The following MEIS2 variants were observed in gnomAD, a reference collection of about 807,000 sequenced individuals.
MEIS2 encodes homeobox protein Meis2.
A neutral mutation model predicts 58.6 loss-of-function variants in MEIS2; 9 were observed. That is an observed-to-expected ratio of 0.15 (90% CI 0.09 to 0.27). MEIS2 has a LOEUF of 0.27. MEIS2 is among the 10% of genes least tolerant of loss of function. The probability of loss-of-function intolerance (pLI) is 1.00; values close to 1 mark genes in which losing one functional copy is unlikely to be tolerated. For synonymous variants in MEIS2, 221 were observed against 228.4 expected, an observed-to-expected ratio of 0.97 and a Z score of 0.29; for missense variants, 427 against 635.0, an observed-to-expected ratio of 0.67 and a Z score of 3.52.
At chr15:37,052,856 T>C (rs868808992) in intron 7 of MEIS2, among the ~76,000 whole-genome samples, 2 of 152,116 alleles carry the variant, frequency 1.3e-5, no homozygotes, top group Admixed American at 1.3e-4. Flanking sequence ...GGGTCACGTG[T>C]GCTACTACTT....
intron 8 of MEIS2, among the ~76,000 whole-genome samples, chr15:36,967,477 T>C (rs1404254599): frequency 6.6e-6 from 1 of 152,108 alleles, no homozygotes; most frequent in Non-Finnish European, 1.5e-5. Context: ...CTTTAACTGA[T>C]CTTCATGTCT....
intron 9 of MEIS2, among the ~76,000 whole-genome samples, chr15:36,924,215 G>A (rs1324405371): frequency 1.3e-5 from 2 of 152,152 alleles, no homozygotes; most frequent in Non-Finnish European, 2.9e-5. Flanking sequence ...TGGCTATCTA[G>A]TAATACTCCT....
intron 7 of MEIS2, among the ~76,000 whole-genome samples, chr15:37,049,250 G>A (rs1166618773): frequency 6.6e-6 from 1 of 152,106 alleles, no homozygotes; most frequent in Non-Finnish European, 1.5e-5. Context: ...AGCCTATACA[G>A]GAAAGAACAG....
chr15:36,985,867 G>T (rs925401744), intron 8 of MEIS2, among the ~76,000 whole-genome samples: 1 of 152,172 alleles, frequency 6.6e-6, no homozygotes, highest in Admixed American at 6.5e-5. Flanking sequence ...TGGTGACAGA[G>T]TTGTGAAGCA....
intron 5 of MEIS2, 66 bp from the exon 6 acceptor site, chr15:37,093,796 T>G (rs934027174): frequency 6.3e-7 from 1 of 1,598,200 alleles, no homozygotes; most frequent in African/African-American, 1.3e-5. Flanking sequence ...GTTTCATTTT[T>G]AGAAAGGAAA....
intron 8 of MEIS2, among the ~76,000 whole-genome samples, chr15:37,024,970 A>T (rs1325594482): frequency 6.6e-6 from 1 of 152,212 alleles, no homozygotes; most frequent in Non-Finnish European, 1.5e-5. Context: ...CTTTCTCTTA[A>T]GTTTGAGTGT....
chr15:37,001,632 T>C (rs1307422551), intron 8 of MEIS2, among the ~76,000 whole-genome samples: 6 of 152,152 alleles, frequency 3.9e-5, no homozygotes, highest in African/African-American at 9.7e-5. Flanking sequence ...TGCCCTAAGG[T>C]AGAAACTCAT....
chr15:36,896,027 A>T (rs2056157304), intron 10 of MEIS2, among the ~76,000 whole-genome samples: 1 of 152,230 alleles, frequency 6.6e-6, no homozygotes, highest in South Asian at 2.1e-4. Context: ...CTTGGAGTAT[A>T]CCAGGAGGGT....
At chr15:37,092,457 G>A (rs761740592) in intron 6 of MEIS2, among the ~76,000 whole-genome samples, 24 of 151,984 alleles carry the variant, frequency 1.6e-4, no homozygotes, top group Non-Finnish European at 2.6e-4. Context: ...TAACTCACAC[G>A]GAGTGTCAAA....
chr15:37,025,397 G>C (rs1246353659), intron 8 of MEIS2, among the ~76,000 whole-genome samples: 1 of 152,240 alleles, frequency 6.6e-6, no homozygotes, highest in South Asian at 2.1e-4. Flanking sequence ...TCTTAATTTG[G>C]TCCTAACTCC....
At chr15:37,032,530 T>G (rs1418925536) in intron 8 of MEIS2, among the ~76,000 whole-genome samples, 1 of 152,228 alleles carries the variant, frequency 6.6e-6, no homozygotes, top group Admixed American at 6.5e-5. Flanking sequence ...AGGATTTCCC[T>G]AAGTTTTTGT....
chr15:36,895,446 G>A, intron 10 of MEIS2, 185 bp from the exon 11 acceptor site: 4 of 580,018 alleles, frequency 6.9e-6, no homozygotes, highest in Admixed American at 6.5e-5. Flanking sequence ...CTTTAAAAAT[G>A]TTCTGGAAGA....
intron 9 of MEIS2, among the ~76,000 whole-genome samples, chr15:36,914,748 A>G (rs1463838152): frequency 6.6e-6 from 1 of 152,192 alleles, no homozygotes; most frequent in African/African-American, 2.4e-5. Flanking sequence ...TGACAGAGTC[A>G]TAAGAAACCT....
At chr15:37,023,738 C>T (rs772016360) in intron 8 of MEIS2, among the ~76,000 whole-genome samples, 32 of 152,052 alleles carry the variant, frequency 2.1e-4, no homozygotes, top group Non-Finnish European at 4.1e-4. Flanking sequence ...TCTGCATTTC[C>T]GTGCCTTCCT....
At chr15:36,916,994 C>T (rs1238345261) in intron 9 of MEIS2, among the ~76,000 whole-genome samples, 1 of 152,172 alleles carries the variant, frequency 6.6e-6, no homozygotes, top group Non-Finnish European at 1.5e-5. Context: ...CAGATACACT[C>T]ATGCACACAT....
chr15:37,034,119 G>C (rs1407715097), intron 8 of MEIS2, among the ~76,000 whole-genome samples: 1 of 152,104 alleles, frequency 6.6e-6, no homozygotes, highest in African/African-American at 2.4e-5. Context: ...CAAAAGCAAA[G>C]AGAAAGGGGG....
chr15:36,992,077 C>T (rs1016526063), intron 8 of MEIS2, among the ~76,000 whole-genome samples: 2 of 151,616 alleles, frequency 1.3e-5, no homozygotes, highest in Non-Finnish European at 2.9e-5. Flanking sequence ...GGTGAGCCAC[C>T]GCGCCCGGCC....
intron 9 of MEIS2, among the ~76,000 whole-genome samples, chr15:36,925,111 G>T (rs2057691108): frequency 6.6e-6 from 1 of 152,016 alleles, no homozygotes; most frequent in African/African-American, 2.4e-5. Context: ...TTCTTTGTAA[G>T]GGCAGCCCTA....
intron 8 of MEIS2, chr15:37,036,579 AT>A (rs541095086): frequency 3.6e-5 from 15 of 417,824 alleles, no homozygotes; most frequent in Non-Finnish European, 5.9e-5. Flanking sequence ...GTCTTAGATC[AT>A]TTTAAATAAA....
Sources: allele counts gnomAD v4.1 joint callset (sites outside exome capture counted in the v4.1 genomes callset), GRCh38; gene constraint gnomAD v4.1.1; transcripts MANE v1.5; gene names NCBI Gene and HGNC (gene_info 2026-07-23, HGNC 2026-07-21).